The following ZBTB20 variants were observed in gnomAD, a reference collection of about 807,000 sequenced individuals.
ZBTB20 encodes the protein zinc finger and BTB domain-containing protein 20.
ZBTB20 carries 9 observed loss-of-function variants against 56.9 expected under a neutral mutation model. That is an observed-to-expected ratio of 0.16 (90% CI 0.10 to 0.28). The LOEUF is 0.28. Ranked by LOEUF, ZBTB20 falls within the 10% of genes least tolerant of loss-of-function variation. The probability of loss-of-function intolerance (pLI) is 1.00; values close to 1 mark genes in which losing one functional copy is unlikely to be tolerated. For synonymous variants in ZBTB20, 417 were observed against 420.7 expected (o/e 0.99, Z 0.11); for missense variants, 655 against 1,003.0 (o/e 0.65, Z 4.69).
intron 3 of ZBTB20, among the ~76,000 whole-genome samples, chr3:114,917,688 G>C (rs537749607): frequency 6.6e-6 from 1 of 151,526 alleles, no homozygotes; most frequent in Non-Finnish European, 1.5e-5. Flanking sequence ...ACTAGGCAGA[G>C]ACTTTTGTTC....
chr3:114,605,828 C>T (rs1425786459), intron 6 of ZBTB20, among the ~76,000 whole-genome samples: 1 of 150,022 alleles, frequency 6.7e-6, no homozygotes, highest in Non-Finnish European at 1.5e-5. Context: ...GTATAGGTAA[C>T]AGAAAAAAAA....
intron 5 of ZBTB20, among the ~76,000 whole-genome samples, chr3:114,735,098 A>G: frequency 6.6e-6 from 1 of 151,940 alleles, no homozygotes; most frequent in East Asian, 1.9e-4. Flanking sequence ...ACAAAAATAC[A>G]TTGATTTTTG....
chr3:114,855,759 G>A (rs2075223256), intron 4 of ZBTB20, among the ~76,000 whole-genome samples: 1 of 152,170 alleles, frequency 6.6e-6, no homozygotes, highest in African/African-American at 2.4e-5. Context: ...GGGAGCAGCA[G>A]GAGAAGGCAG....
At chr3:114,743,305 G>A (rs1352007529) in intron 5 of ZBTB20, 2 of 152,050 alleles carry the variant, frequency 1.3e-5, no homozygotes, top group African/African-American at 4.8e-5. Context: ...GATCTAAGGG[G>A]AAAAGATCCA....
At chr3:114,661,950 T>C (rs1476407297) in intron 6 of ZBTB20, among the ~76,000 whole-genome samples, 1 of 151,728 alleles carries the variant, frequency 6.6e-6, no homozygotes, top group Non-Finnish European at 1.5e-5. Context: ...CATGTGCACA[T>C]TGTGCAGGTT....
At chr3:114,344,808 T>A (rs182307672) in intron 11 of ZBTB20, among the ~76,000 whole-genome samples, 330 of 152,366 alleles carry the variant, frequency 2.2e-3, no homozygotes, top group Non-Finnish European at 3.5e-3. Context: ...ATGCTACTAT[T>A]GTTACTATGT....
intron 6 of ZBTB20, among the ~76,000 whole-genome samples, chr3:114,598,666 T>C (rs1345649806): frequency 1.3e-5 from 2 of 152,056 alleles, no homozygotes; most frequent in Non-Finnish European, 2.9e-5. Context: ...ATAATGCCAA[T>C]AGGGATATCC....
intron 6 of ZBTB20, among the ~76,000 whole-genome samples, chr3:114,587,139 G>A (rs888109616): frequency 6.6e-6 from 1 of 151,750 alleles, no homozygotes; most frequent in African/African-American, 2.4e-5. Flanking sequence ...TGGGACTACA[G>A]GCACCCACCA....
intron 7 of ZBTB20, chr3:114,453,551 T>C (rs1005207599): frequency 2.0e-5 from 3 of 152,170 alleles, no homozygotes; most frequent in Non-Finnish European, 4.4e-5. Flanking sequence ...GATTATTTGA[T>C]GGACTTTTGT....
intron 4 of ZBTB20, among the ~76,000 whole-genome samples, chr3:114,843,836 C>A (rs561984123): frequency 6.2e-4 from 61 of 97,716 alleles, no homozygotes; most frequent in African/African-American, 1.8e-3. Flanking sequence ...GCCATCACAC[C>A]CGGCTAATTT....
chr3:114,453,668 G>A (rs1281283303), intron 7 of ZBTB20: 1 of 152,034 alleles, frequency 6.6e-6, no homozygotes, highest in Non-Finnish European at 1.5e-5. Flanking sequence ...AGCATAAAGT[G>A]AGCATAAGAA....
intron 6 of ZBTB20, among the ~76,000 whole-genome samples, chr3:114,639,482 T>C (rs1215585127): frequency 1.5e-5 from 1 of 65,796 alleles, no homozygotes; most frequent in African/African-American, 6.0e-5. Context: ...TTTTTTTTTT[T>C]CTCTCCTAGA....
chr3:114,392,357 C>A (rs527276838), intron 7 of ZBTB20, among the ~76,000 whole-genome samples: 1 of 152,138 alleles, frequency 6.6e-6, no homozygotes, highest in Non-Finnish European at 1.5e-5. Flanking sequence ...TTATTTCACA[C>A]GGCATGCCTA....
intron 4 of ZBTB20, among the ~76,000 whole-genome samples, chr3:114,867,020 A>G (rs1188012273): frequency 6.6e-6 from 1 of 152,226 alleles, no homozygotes; most frequent in Admixed American, 6.5e-5. Flanking sequence ...ACCCAGAAAT[A>G]GTTAATGAAT....
rs2055700213 is a variant in ZBTB20 at position 114,590,952 on chromosome 3, A to C, written c.-294-90561T>G. Among the ~76,000 whole-genome samples, 2 of 152,318 alleles carry C rather than the reference A, an allele frequency of 1.3e-5. 1 individual carries two copies. Among genetic ancestry groups the C allele is most frequent in the South Asian group, 4.1e-4 (2 of 4,830 alleles). On this transcript the variant is annotated intron_variant, in intron 6 of 11. Transcript: ENST00000675478. ...ACTATTAATAACCTATCTCATTATC[A>C]AACCTTAAGATTTTCTGTTGCAGCA...
intron 6 of ZBTB20, among the ~76,000 whole-genome samples, chr3:114,538,738 T>C (rs1010371727): frequency 2.0e-5 from 3 of 152,172 alleles, no homozygotes; most frequent in Non-Finnish European, 2.9e-5. Context: ...ATTCAAACTG[T>C]TGGAGTTAAA....
intron 7 of ZBTB20, among the ~76,000 whole-genome samples, chr3:114,410,703 T>G (rs2087855276): frequency 6.6e-6 from 1 of 152,184 alleles, no homozygotes; most frequent in African/African-American, 2.4e-5. Flanking sequence ...TGAAAGGATG[T>G]CACATCGTGG....
intron 2 of ZBTB20, among the ~76,000 whole-genome samples, chr3:115,048,973 A>T: frequency 6.6e-6 from 1 of 152,132 alleles, no homozygotes; most frequent in South Asian, 2.1e-4. Context: ...CTCCATTCAT[A>T]CTGAACTATG....
chr3:114,916,676 G>A (rs1347869652), intron 3 of ZBTB20, among the ~76,000 whole-genome samples: 3 of 152,114 alleles, frequency 2.0e-5, no homozygotes, highest in East Asian at 1.9e-4. Flanking sequence ...ACTATTATAG[G>A]GTAAGAGTTT....
Sources: allele counts gnomAD v4.1 joint callset (sites outside exome capture counted in the v4.1 genomes callset), GRCh38; gene constraint gnomAD v4.1.1; transcripts MANE v1.5; gene names NCBI Gene and HGNC (gene_info 2026-07-23, HGNC 2026-07-21).